The following WASF3 variants were observed in gnomAD, a reference collection of about 807,000 sequenced individuals.
WASF3 encodes the protein WASP family member 3.
A neutral mutation model predicts 46.6 loss-of-function variants in WASF3; 11 were observed. The observed-to-expected ratio is 0.24, with a 90% CI of 0.15 to 0.39. The LOEUF (loss-of-function observed/expected upper bound fraction) is 0.39. WASF3 is among the 10% of genes least tolerant of loss of function. The pLI, the probability that WASF3 is intolerant of heterozygous loss-of-function variation, is 1.00. For synonymous variants in WASF3, 242 were observed against 259.7 expected (o/e 0.93, Z 0.65); for missense variants, 576 against 669.8 (o/e 0.86, Z 1.55).
chr13:26,600,738 A>C (rs1880617007), intron 1 of WASF3, among the ~76,000 whole-genome samples: 1 of 152,168 alleles, frequency 6.6e-6, no homozygotes, highest in South Asian at 2.1e-4. Context: ...TGGATTCATC[A>C]CCAAAAGACG....
At chr13:26,548,511 T>C in the WASF3 span, among the ~76,000 whole-genome samples, 3 of 152,202 alleles carry the variant, frequency 2.0e-5, no homozygotes, top group East Asian at 5.8e-4. Context: ...CAACGCACTA[T>C]TCATGCATGA....
intron 3 of WASF3, among the ~76,000 whole-genome samples, chr13:26,664,796 T>A (rs935827530): frequency 1.3e-5 from 2 of 152,284 alleles, no homozygotes; most frequent in Non-Finnish European, 2.9e-5. Context: ...ATAAAGATTC[T>A]ATACTGTCTG....
intron 3 of WASF3, among the ~76,000 whole-genome samples, chr13:26,645,338 G>C (rs1882118437): frequency 6.6e-6 from 1 of 152,150 alleles, no homozygotes; most frequent in Non-Finnish European, 1.5e-5. Context: ...CTGGCACCTT[G>C]ACTTTGGAAT....
At chr13:26,548,619 T>C in the WASF3 span, among the ~76,000 whole-genome samples, 3 of 152,198 alleles carry the variant, frequency 2.0e-5, no homozygotes, top group Admixed American at 2.0e-4. Context: ...GGTGAACTGA[T>C]TAAACTGCCT....
At chr13:26,543,337 A>G in the WASF3 span, among the ~76,000 whole-genome samples, 1 of 152,220 alleles carries the variant, frequency 6.6e-6, no homozygotes, top group Non-Finnish European at 1.5e-5. Flanking sequence ...CTGGGATGCC[A>G]TGTGGGTCAG....
the WASF3 span, among the ~76,000 whole-genome samples, chr13:26,552,047 C>G: frequency 6.6e-6 from 1 of 152,258 alleles, no homozygotes; most frequent in South Asian, 2.1e-4. Context: ...AAGTATTGGC[C>G]ATGTGCTTCT....
chr13:26,550,091 A>G, the WASF3 span, among the ~76,000 whole-genome samples: 19 of 152,234 alleles, frequency 1.2e-4, no homozygotes, highest in African/African-American at 4.6e-4. Flanking sequence ...TTGGAGCAAT[A>G]GCTATTCAAT....
rs1473875169 is a variant in WASF3 at position 26,629,266 on chromosome 13, T to C, written c.-10-12995T>C. Among the ~76,000 whole-genome samples, 6 of 152,320 alleles carry C rather than the reference T, an allele frequency of 3.9e-5. No individual in the cohort carries two copies. In the East Asian group the frequency reaches 7.7e-4, roughly 20 times the overall value. On this transcript the variant is annotated intron_variant, in intron 2 of 9. Transcript: ENST00000335327. Reference sequence around the variant, plus strand: ...GAGGTTAACAAGTGATACAGAAATCTTCACCCTGTGCCCACTCCCGAATTT... The same window carrying C: ...GAGGTTAACAAGTGATACAGAAATCCTCACCCTGTGCCCACTCCCGAATTT...
At chr13:26,568,738 A>G (rs952851772) in intron 1 of WASF3, among the ~76,000 whole-genome samples, 1 of 152,340 alleles carries the variant, frequency 6.6e-6, no homozygotes, top group East Asian at 1.9e-4. Context: ...AATATTTGCC[A>G]TCTTTGCCAG....
chr13:26,552,208 G>A, the WASF3 span, among the ~76,000 whole-genome samples: 1 of 152,086 alleles, frequency 6.6e-6, no homozygotes, highest in Non-Finnish European at 1.5e-5. Flanking sequence ...AATTTCTCTG[G>A]GCCTTATCTA....
At chr13:26,620,162 TTTA>T (rs1393303030) in intron 2 of WASF3, among the ~76,000 whole-genome samples, 2 of 152,164 alleles carry the variant, frequency 1.3e-5, no homozygotes, top group African/African-American at 4.8e-5. Flanking sequence ...TAAAATTTTT[TTTA>T]TTAAGTAGCT....
chr13:26,667,026 T>C (rs1037584277), intron 4 of WASF3, among the ~76,000 whole-genome samples: 2 of 152,250 alleles, frequency 1.3e-5, no homozygotes, highest in East Asian at 3.8e-4. Context: ...TAGATACATG[T>C]TGAAAAGCTT....
intron 1 of WASF3, among the ~76,000 whole-genome samples, chr13:26,567,656 G>A (rs1329964710): frequency 6.6e-6 from 1 of 151,356 alleles, no homozygotes; most frequent in Non-Finnish European, 1.5e-5. Flanking sequence ...CTTTTCTGAT[G>A]GGGCTCACAT....
In WASF3 at chr13:26,599,460, G is replaced by A. The variant is rs541216612; in HGVS notation, c.-108-13501G>A. On this transcript the variant is annotated intron_variant, in intron 1 of 9. Coordinates refer to ENST00000335327, the MANE Select transcript of WASF3 (RefSeq NM_006646.6). ...TCTAGGGACTTCACAGGTGCCTGAC[G>A]TGACATAGGGGCTCTCTCAGCTCTC... Among the ~76,000 whole-genome samples the A allele has an allele frequency of 1.2e-4, 19 of 152,294 alleles. No homozygotes were observed. In the South Asian group the frequency reaches 3.9e-3, roughly 32 times the overall value.
chr13:26,557,441 G>A (rs1879124223), upstream of WASF3, among the ~76,000 whole-genome samples: 1 of 152,222 alleles, frequency 6.6e-6, no homozygotes, highest in East Asian at 1.9e-4. Context: ...TCGCTGGAAA[G>A]GACGCTGCCT....
At chr13:26,554,035 C>T (rs71425164), upstream of WASF3, among the ~76,000 whole-genome samples, 2,382 of 51,908 alleles carry the variant, frequency 0.046, 292 homozygotes, top group African/African-American at 0.089. Flanking sequence ...CCTTCTTTCT[C>T]TTTCTTTCCT....
At chr13:26,683,042 A>G in intron 9 of WASF3, 68 bp downstream of exon 9, 3 of 1,542,366 alleles carry the variant, frequency 1.9e-6, no homozygotes, top group Non-Finnish European at 2.6e-6. Context: ...CCAGCCAGCT[A>G]CAGCCTCCTT....
intron 1 of WASF3, among the ~76,000 whole-genome samples, chr13:26,559,890 T>TCACTG (rs1362492491): frequency 7.2e-6 from 1 of 138,866 alleles, no homozygotes; most frequent in East Asian, 2.3e-4. Flanking sequence ...TGATCTCGGC[T>TCACTG]CACTGCAACC....
intron 2 of WASF3, among the ~76,000 whole-genome samples, chr13:26,624,522 C>A (rs969767580): frequency 6.6e-6 from 1 of 152,062 alleles, no homozygotes; most frequent in African/African-American, 2.4e-5. Context: ...AGAGAAGATA[C>A]TGTCCAGAAA....
Sources: allele counts gnomAD v4.1 joint callset (sites outside exome capture counted in the v4.1 genomes callset), GRCh38; gene constraint gnomAD v4.1.1; transcripts MANE v1.5; gene names NCBI Gene and HGNC (gene_info 2026-07-23, HGNC 2026-07-21).